The following VAV3 variants were observed in gnomAD, a reference collection of about 807,000 sequenced individuals.
The protein encoded by VAV3 is guanine nucleotide exchange factor VAV3.
VAV3 carries 94 observed loss-of-function variants against 131.2 expected under a neutral mutation model. That is an observed-to-expected ratio of 0.72 (90% CI 0.61 to 0.85). The LOEUF is 0.85. VAV3 is among the 40% of genes least tolerant of loss of function. The probability of loss-of-function intolerance (pLI) is 0.00; values close to 1 mark genes in which losing one functional copy is unlikely to be tolerated. For synonymous variants in VAV3, 349 were observed against 342.0 expected (o/e 1.02, Z -0.22); for missense variants, 939 against 1,002.7 (o/e 0.94, Z 0.86).
chr1:107,602,319 A>G, intron 24 of VAV3, 78 bp downstream of exon 24: 1 of 1,078,574 alleles, frequency 9.3e-7, no homozygotes, highest in Non-Finnish European at 1.3e-6. Context: ...AATTTCCAAG[A>G]AACTATAGAA....
intron 2 of VAV3, among the ~76,000 whole-genome samples, chr1:107,798,736 A>G (rs955240485): frequency 7.3e-5 from 11 of 150,846 alleles, no homozygotes; most frequent in African/African-American, 2.4e-4. Context: ...AAAAAAAAAA[A>G]AAAAAAAAGA....
chr1:107,772,748 T>C lies in VAV3; in HGVS notation c.542A>G (p.Glu181Gly). ...EVYEDLMKAEEAHQPKCPEND... is the reference protein window; with the variant it reads ...EVYEDLMKAEGAHQPKCPEND... ...TAAAAGTCCTACGGGCTGATGTGCTTCCTCTGCCTTCATTAAGTCCTCATA... is the reference window on the plus strand; with the variant it reads ...TAAAAGTCCTACGGGCTGATGTGCTCCCTCTGCCTTCATTAAGTCCTCATA... The change falls in exon 5 of 27, where the codon GAA (glutamate) becomes GGA (glycine). Residue 181 changes from glutamate (E) to glycine (G), a missense_variant. Glu to Gly is a moderately conservative substitution (Grantham distance 98). Transcript: ENST00000370056. 6 of 1,613,416 alleles carry C rather than the reference T, an allele frequency of 3.7e-6. No homozygotes were observed. Among genetic ancestry groups the C allele is most frequent in the Non-Finnish European group, 4.2e-6 (5 of 1,179,622 alleles).
intron 15 of VAV3, among the ~76,000 whole-genome samples, chr1:107,732,253 G>A (rs1274933570): frequency 6.6e-6 from 1 of 152,202 alleles, no homozygotes; most frequent in Non-Finnish European, 1.5e-5. Flanking sequence ...GTTTCAAGAT[G>A]ACCGAATAGG....
intron 2 of VAV3, among the ~76,000 whole-genome samples, chr1:107,871,650 G>A (rs1670259383): frequency 6.6e-6 from 1 of 152,128 alleles, no homozygotes; most frequent in Non-Finnish European, 1.5e-5. Flanking sequence ...AGCCCTTCTA[G>A]AGAAGCCCAA....
chr1:107,906,444 C>G (rs928389785), intron 1 of VAV3, among the ~76,000 whole-genome samples: 2 of 152,130 alleles, frequency 1.3e-5, no homozygotes, highest in Non-Finnish European at 2.9e-5. Context: ...GTGGGCGGAT[C>G]ATGAGGTCAG....
chr1:107,600,953 A>G (rs188734929), intron 24 of VAV3, among the ~76,000 whole-genome samples: 18 of 152,332 alleles, frequency 1.2e-4, no homozygotes, highest in Non-Finnish European at 1.9e-4. Flanking sequence ...CATAGTAACT[A>G]TAACACTGTG....
chr1:107,876,446 T>C (rs924447396), intron 1 of VAV3, among the ~76,000 whole-genome samples: 6 of 152,106 alleles, frequency 3.9e-5, no homozygotes, highest in African/African-American at 7.2e-5. Flanking sequence ...TGTCGAGACA[T>C]GTTTCTGTTT....
chr1:107,865,118 C>A (rs765191438), intron 2 of VAV3, among the ~76,000 whole-genome samples: 11 of 152,162 alleles, frequency 7.2e-5, no homozygotes, highest in Non-Finnish European at 1.0e-4. Context: ...AGAGGCTGAG[C>A]AACTTTCCTG....
intron 25 of VAV3, among the ~76,000 whole-genome samples, chr1:107,593,915 C>A (rs1381164884): frequency 4.6e-5 from 7 of 152,038 alleles, no homozygotes; most frequent in African/African-American, 1.7e-4. Flanking sequence ...GTAGAGTCAG[C>A]AGTAACTTTT....
intron 15 of VAV3, among the ~76,000 whole-genome samples, chr1:107,706,195 G>A (rs993725693): frequency 6.6e-6 from 1 of 152,080 alleles, no homozygotes; most frequent in Non-Finnish European, 1.5e-5. Flanking sequence ...AAAAGCTTGA[G>A]ATACTGATGA....
chr1:107,698,221 C>T (rs550181931), intron 17 of VAV3, among the ~76,000 whole-genome samples: 18 of 152,234 alleles, frequency 1.2e-4, no homozygotes, highest in Non-Finnish European at 2.1e-4. Context: ...CACTTTACAA[C>T]GGTATGAAAG....
At chr1:107,657,655 C>A (rs10443202) in intron 19 of VAV3, among the ~76,000 whole-genome samples, 25,356 of 152,116 alleles carry the variant, frequency 0.17, 2,367 homozygotes, top group Middle Eastern at 0.26. Context: ...AACTGAAGTT[C>A]CACACAGCTA....
intron 15 of VAV3, among the ~76,000 whole-genome samples, chr1:107,721,236 G>T (rs1240932965): frequency 2.0e-5 from 3 of 152,128 alleles, no homozygotes; most frequent in Admixed American, 6.5e-5. Context: ...AAAGTGAGGG[G>T]AGCATATGTC....
At chr1:107,581,321 T>C (rs1021581822) in intron 25 of VAV3, among the ~76,000 whole-genome samples, 1 of 152,208 alleles carries the variant, frequency 6.6e-6, no homozygotes, top group African/African-American at 2.4e-5. Context: ...ATTTTGCATG[T>C]GTATGACACC....
intron 2 of VAV3, among the ~76,000 whole-genome samples, chr1:107,854,969 C>T (rs12128709): frequency 0.064 from 9,774 of 152,252 alleles, 393 homozygotes; most frequent in African/African-American, 0.11. Context: ...CCCTTTGTGC[C>T]TTTGCCATCT....
At chr1:107,718,552 C>A (rs2101907890) in intron 15 of VAV3, among the ~76,000 whole-genome samples, 2 of 152,100 alleles carry the variant, frequency 1.3e-5, no homozygotes, top group East Asian at 3.9e-4. Flanking sequence ...TCAACAAAAT[C>A]AAAGAGGACA....
chr1:107,918,705 A>ATTT (rs66707621), intron 1 of VAV3, among the ~76,000 whole-genome samples: 11 of 76,994 alleles, frequency 1.4e-4, no homozygotes, highest in South Asian at 7.5e-4. Flanking sequence ...ATATATATAT[A>ATTT]TTTTTTTTTT....
intron 1 of VAV3, among the ~76,000 whole-genome samples, chr1:107,887,152 G>A (rs1348431153): frequency 6.6e-6 from 1 of 152,170 alleles, no homozygotes; most frequent in Non-Finnish European, 1.5e-5. Context: ...GCCCCAGGCT[G>A]CACCCTTTAC....
chr1:107,744,986 C>T (rs1041871598), intron 15 of VAV3, among the ~76,000 whole-genome samples: 16 of 152,264 alleles, frequency 1.1e-4, no homozygotes, highest in Admixed American at 6.5e-4. Context: ...TAATTTAAAT[C>T]TCATAGAAAA....
Sources: allele counts gnomAD v4.1 joint callset (sites outside exome capture counted in the v4.1 genomes callset), GRCh38; gene constraint gnomAD v4.1.1; transcripts MANE v1.5; gene names NCBI Gene and HGNC (gene_info 2026-07-23, HGNC 2026-07-21).